Variants in GREM2 observed in about 807,000 individuals in gnomAD.
GREM2 encodes gremlin-2.
Under a neutral mutation model 14.2 loss-of-function variants are expected in GREM2, and 11 were observed. The observed-to-expected ratio is 0.78, with a 90% CI of 0.49 to 1.28. The LOEUF is 1.28. Ranked by LOEUF, GREM2 falls within the 50% of genes most tolerant of loss-of-function variation. The pLI, the probability that GREM2 is intolerant of heterozygous loss-of-function variation, is 0.00. For missense variants in GREM2, 210 were observed against 218.5 expected (o/e 0.96, Z 0.24); for synonymous variants, 98 against 97.6 (o/e 1.00, Z -0.02).
intron 1 of GREM2, among the ~76,000 whole-genome samples, chr1:240,534,553 A>C (rs1161734262): frequency 1.3e-5 from 2 of 151,998 alleles, no homozygotes; most frequent in Non-Finnish European, 2.9e-5. Flanking sequence ...TTAGCTGGGC[A>C]TGGTGGCGGG....
At chr1:240,529,566 GAGATATGTC>G (rs1678308192) in intron 1 of GREM2, among the ~76,000 whole-genome samples, 2 of 151,906 alleles carry the variant, frequency 1.3e-5, no homozygotes. Context: ...GACAAGTAAA[GAGATATGTC>G]AGATGAATAA....
Position 240,492,867 on chromosome 1 carries a change from CCAGG to C in GREM2, c.*98_*101del, listed in dbSNP as rs1422757099. On this transcript the variant is annotated 3_prime_UTR_variant, in exon 2 of 2. Coordinates refer to ENST00000318160, the MANE Select transcript of GREM2 (RefSeq NM_022469.4). ...AAGTGCTTGCTGCTGAGGGGGAACA[CCAGG>C]CAGCGTGACAGTGGGCTCGGAGGGC... 5.1e-6 allele frequency: 6 copies of C among 1,172,246 alleles called. No homozygotes were observed. The highest frequency in any genetic ancestry group is 6.6e-6 in the Non-Finnish European group (6 of 913,302). 72.6% of individuals were successfully genotyped at this position (1,172,246 alleles called of 1,614,324 possible).
At chr1:240,608,173 T>C (rs1274901443) in intron 1 of GREM2, among the ~76,000 whole-genome samples, 4 of 152,240 alleles carry the variant, frequency 2.6e-5, no homozygotes, top group Non-Finnish European at 5.9e-5. Context: ...GAGACTGTGG[T>C]GAAGACTGAA....
rs564431934 is a variant in GREM2 at position 240,529,102 on chromosome 1, G to A, written c.-1-35626C>T. Among the ~76,000 whole-genome samples the A allele has an allele frequency of 3.9e-5, 6 of 152,234 alleles. No individual in the cohort carries two copies. The South Asian group carries it at 1.2e-3, about 32-fold the overall frequency. On this transcript the variant is annotated intron_variant, in intron 1 of 1. Transcript: ENST00000318160. ...ATTCAGTAGGTCTATAAAGGGCTTG[G>A]GAAGGAATTTTCCTGCAGGATTTCC...
intron 1 of GREM2, among the ~76,000 whole-genome samples, chr1:240,587,395 T>G (rs370375297): frequency 6.6e-6 from 1 of 150,884 alleles, no homozygotes. Context: ...GATCTCGGCT[T>G]ACTGCAACCT....
intron 1 of GREM2, among the ~76,000 whole-genome samples, chr1:240,528,324 T>C (rs1678271148): frequency 1.3e-5 from 2 of 152,286 alleles, no homozygotes; most frequent in Non-Finnish European, 1.5e-5. Context: ...GACTTTGACA[T>C]TTCTGGGTTT....
At chr1:240,559,279 T>C (rs1678999792) in intron 1 of GREM2, among the ~76,000 whole-genome samples, 1 of 152,046 alleles carries the variant, frequency 6.6e-6, no homozygotes, top group Admixed American at 6.6e-5. Flanking sequence ...ACACATCTAT[T>C]GTACAATACA....
rs189934413 is a variant in GREM2, at chr1:240,547,449, G to A, written c.-1-53973C>T. On this transcript the variant is annotated intron_variant, in intron 1 of 1. Transcript: ENST00000318160. ...CGGGAGGTGGAGGTTGCAGTGAGCCGAAATCACACCGCTGCACTCCAGCCT... is the reference window on the plus strand; with the variant it reads ...CGGGAGGTGGAGGTTGCAGTGAGCCAAAATCACACCGCTGCACTCCAGCCT... Among the ~76,000 whole-genome samples the A allele has an allele frequency of 2.2e-3, 320 of 142,948 alleles. 2 individuals carry two copies. Among genetic ancestry groups the A allele is most frequent in the East Asian group, 1.2e-3 (6 of 4,848 alleles). The allele number at this position is 142,948 out of a possible 152,430, so 93.8% of individuals were successfully genotyped here. A position where few individuals can be genotyped will look rare whatever the true frequency, so the allele number is the denominator to read the frequency against.
chr1:240,558,475 A>C (rs979400529), intron 1 of GREM2, among the ~76,000 whole-genome samples: 5 of 151,766 alleles, frequency 3.3e-5, no homozygotes, highest in Non-Finnish European at 7.3e-5. Flanking sequence ...TAATGGAAAA[A>C]TGAAATTAAA....
Position 240,553,834 on chromosome 1 carries a change from TATGGAG to T in GREM2, c.-2+58044_-2+58049del, listed in dbSNP as rs536877826. Among the ~76,000 whole-genome samples the T allele has an allele frequency of 1.3e-4, 20 of 152,308 alleles. No homozygotes were observed. In the East Asian group the frequency reaches 3.9e-3, roughly 29 times the overall value. On this transcript the variant is annotated intron_variant, in intron 1 of 1. Transcript: ENST00000318160. ...TCCATGGAAAATACTCCACACTTCTTATGGAGAATGAGAATCTGATTTAGAATACAC... is the reference window on the plus strand; with the variant it reads ...TCCATGGAAAATACTCCACACTTCTTAATGAGAATCTGATTTAGAATACAC...
At position 240,605,529 on chromosome 1, in the gene GREM2, G is replaced by C. The variant is rs181285402; in HGVS notation, c.-2+6355C>G. Reference sequence around the variant, plus strand: ...AAATAAAAAATCACCAAGGTAAAAAGTATCCTTATAGAGATTTTTTAAAAA... The same window carrying C: ...AAATAAAAAATCACCAAGGTAAAAACTATCCTTATAGAGATTTTTTAAAAA... On this transcript the variant is annotated intron_variant, in intron 1 of 1. Coordinates refer to ENST00000318160, the MANE Select transcript of GREM2 (RefSeq NM_022469.4). Among the ~76,000 whole-genome samples the C allele has an allele frequency of 2.3e-3, 347 of 152,128 alleles. 2 individuals are homozygous for C. The highest frequency in any genetic ancestry group is 8.2e-3 in the African/African-American group (339 of 41,514).
Position 240,604,295 on chromosome 1 carries a change from A to C in GREM2, c.-2+7589T>G, listed in dbSNP as rs182728499. ...CAAATATCCCAATTAGATCAGCTTT[A>C]TATAACTATACGTATGTGTGTGTGT... is the stretch of plus-strand genomic sequence containing the variant. On this transcript the variant is annotated intron_variant, in intron 1 of 1. Coordinates refer to ENST00000318160, the MANE Select transcript of GREM2 (RefSeq NM_022469.4). Among the ~76,000 whole-genome samples, 139 of 133,820 alleles carry C rather than the reference A, an allele frequency of 1.0e-3. 2 individuals carry two copies. The highest frequency in any genetic ancestry group is 3.4e-3 in the African/African-American group (126 of 36,556). 87.8% of individuals were successfully genotyped at this position (133,820 alleles called of 152,430 possible).
intron 1 of GREM2, among the ~76,000 whole-genome samples, chr1:240,548,666 G>A (rs181777771): frequency 1.7e-4 from 26 of 152,316 alleles, no homozygotes; most frequent in African/African-American, 5.8e-4. Flanking sequence ...TAAAGATAAA[G>A]AGTGAGTTCG....
chr1:240,531,020 T>A (rs1678347312), intron 1 of GREM2, among the ~76,000 whole-genome samples: 2 of 152,230 alleles, frequency 1.3e-5, no homozygotes, highest in Non-Finnish European at 2.9e-5. Context: ...AAGCCTGTGT[T>A]ATTAAAGGCT....
chr1:240,547,373 G>A (rs1021257793), intron 1 of GREM2, among the ~76,000 whole-genome samples: 7 of 151,282 alleles, frequency 4.6e-5, no homozygotes, highest in Non-Finnish European at 8.8e-5. Flanking sequence ...GGTGGCGGGC[G>A]CCTGTAGTCC....
In GREM2 at chr1:240,492,939, C is replaced by G. The variant is rs561456688; in HGVS notation, c.*30G>C. On this transcript the variant is annotated 3_prime_UTR_variant, in exon 2 of 2. Coordinates refer to ENST00000318160, the MANE Select transcript of GREM2 (RefSeq NM_022469.4). ...CGGCGCCACCCAGCGGCCGGGCGCGCGCGGGGCTGAGCTGCGTCCGGCCCG... is the reference window on the plus strand; with the variant it reads ...CGGCGCCACCCAGCGGCCGGGCGCGGGCGGGGCTGAGCTGCGTCCGGCCCG... The G allele has an allele frequency of 7.0e-6, 10 of 1,431,862 alleles. No individual in the cohort carries two copies. In the Admixed American group the frequency reaches 2.7e-4, roughly 38 times the overall value. 88.7% of individuals were successfully genotyped at this position (1,431,862 alleles called of 1,614,324 possible). A position where few individuals can be genotyped will look rare whatever the true frequency, so the allele number is the denominator to read the frequency against.
At chr1:240,571,831 C>G (rs1400540796) in intron 1 of GREM2, among the ~76,000 whole-genome samples, 1 of 152,136 alleles carries the variant, frequency 6.6e-6, no homozygotes, top group Non-Finnish European at 1.5e-5. Context: ...CCAGTCACTT[C>G]CCAGCATTCA....
chr1:240,609,185 C>T (rs1343308343), intron 1 of GREM2, among the ~76,000 whole-genome samples: 1 of 152,044 alleles, frequency 6.6e-6, no homozygotes, highest in Non-Finnish European at 1.5e-5. Flanking sequence ...ACTTTATACC[C>T]TTGTGCTTCC....
intron 1 of GREM2, among the ~76,000 whole-genome samples, chr1:240,591,882 T>C (rs1679722757): frequency 1.3e-5 from 2 of 152,172 alleles, no homozygotes. Context: ...ATGCTTTTGA[T>C]AGAAAATAAA....
Sources: allele counts gnomAD v4.1 joint callset (sites outside exome capture counted in the v4.1 genomes callset), GRCh38; gene constraint gnomAD v4.1.1; transcripts MANE v1.5; gene names NCBI Gene and HGNC (gene_info 2026-07-23, HGNC 2026-07-21).